Variants in CCDC47 observed in about 807,000 individuals in gnomAD.
The protein encoded by CCDC47 is PAT complex subunit CCDC47.
In CCDC47, 41 loss-of-function variants were observed where a neutral mutation model predicts 60.5. The observed-to-expected ratio is 0.68, with a 90% CI of 0.53 to 0.88. The LOEUF is 0.88. CCDC47 is among the 40% of genes least tolerant of loss of function. CCDC47 has a pLI of 0.00. For missense variants in CCDC47, 513 were observed against 580.9 expected (o/e 0.88, Z 1.20); for synonymous variants, 195 against 190.7 (o/e 1.02, Z -0.18).
At chr17:63,750,810 A>G (rs1041072420) in intron 12 of CCDC47, among the ~76,000 whole-genome samples, 1 of 151,550 alleles carries the variant, frequency 6.6e-6, no homozygotes, top group African/African-American at 2.4e-5. Context: ...GCTGGTCTCG[A>G]ACTCCTGACC....
chr17:63,756,716 A>G, intron 6 of CCDC47, 146 bp from the exon 7 acceptor site: 1 of 621,934 alleles, frequency 1.6e-6, no homozygotes, highest in East Asian at 2.8e-5. Flanking sequence ...ATGGAATATT[A>G]CCCCCATAAT....
chr17:63,766,271 A>G, intron 1 of CCDC47, 77 bp from the exon 2 acceptor site: 2 of 1,328,568 alleles, frequency 1.5e-6, no homozygotes, highest in Non-Finnish European at 2.0e-6. Flanking sequence ...GTAAAAATCT[A>G]TAAACCTCTC....
chr17:63,761,514 T>C (rs1204257245), intron 4 of CCDC47, 163 bp from the exon 5 acceptor site: 3 of 241,456 alleles, frequency 1.2e-5, no homozygotes, highest in African/African-American at 6.6e-5. Flanking sequence ...ACCCTGTCCC[T>C]ACTAAAAAAA....
intron 12 of CCDC47, chr17:63,747,551 G>A (rs1257143384): frequency 1.0e-6 from 1 of 984,102 alleles, no homozygotes; most frequent in Non-Finnish European, 1.2e-6. Context: ...GAGTAAGAAG[G>A]TTCAGGTTAT....
At chr17:63,748,641 G>GATAC (rs1389535455) in intron 12 of CCDC47, among the ~76,000 whole-genome samples, 1 of 152,100 alleles carries the variant, frequency 6.6e-6, no homozygotes, top group Non-Finnish European at 1.5e-5. Context: ...TAAAACTAAT[G>GATAC]ATACACAGAA....
At position 63,756,461 on chromosome 17, in the gene CCDC47, T is replaced by C; in HGVS notation, c.837+8A>G. The C allele has an allele frequency of 1.2e-6, 2 of 1,611,312 alleles. No homozygotes were observed. The highest frequency in any genetic ancestry group is 1.7e-6 in the Non-Finnish European group (2 of 1,177,384). ...TACGTATATTTGAGTTGGAGCAACC[T>C]GACATACCAAATCCTGCATCTCTTT... On this transcript the variant is annotated splice_region_variant and intron_variant, in intron 7 of 12. Transcript: ENST00000225726.
At chr17:63,754,383 CAG>C in intron 9 of CCDC47, 48 bp downstream of exon 9, 1 of 1,163,282 alleles carries the variant, frequency 8.6e-7, no homozygotes, top group Non-Finnish European at 1.3e-6. Context: ...TGTTTCAACA[CAG>C]AAAGCTAGTG....
chr17:63,765,771 A>G, intron 2 of CCDC47, 141 bp downstream of exon 2: 1 of 1,359,600 alleles, frequency 7.4e-7, no homozygotes, highest in Admixed American at 2.5e-5. Flanking sequence ...CTTACCACAG[A>G]ACATTTAGAA....
At chr17:63,747,343 T>C (rs1413162316) in intron 12 of CCDC47, 1 of 983,832 alleles carries the variant, frequency 1.0e-6, no homozygotes, top group East Asian at 1.1e-4. Context: ...AGAAGATACA[T>C]TCTACTTCAG....
At chr17:63,773,259 CT>C (rs1384456224) in intron 1 of CCDC47, among the ~76,000 whole-genome samples, 152 bp downstream of exon 1, 1 of 152,250 alleles carries the variant, frequency 6.6e-6, no homozygotes, top group African/African-American at 2.4e-5. Flanking sequence ...TAACTCTGCC[CT>C]TTTGGCTATC....
chr17:63,755,195 G>T, intron 8 of CCDC47: 1 of 570,248 alleles, frequency 1.8e-6, no homozygotes, highest in Non-Finnish European at 2.2e-6. Flanking sequence ...CTGAATCCCT[G>T]GACTCAAGTG....
chr17:63,755,615 A>T (rs2039199896), intron 8 of CCDC47, among the ~76,000 whole-genome samples: 1 of 152,196 alleles, frequency 6.6e-6, no homozygotes, highest in Non-Finnish European at 1.5e-5. Context: ...GATCCTTTAT[A>T]AACATGTCAC....
intron 1 of CCDC47, among the ~76,000 whole-genome samples, chr17:63,768,505 T>C (rs1264991162): frequency 3.9e-5 from 6 of 152,054 alleles, no homozygotes; most frequent in African/African-American, 1.5e-4. Context: ...CTTGGCAACA[T>C]GGCGAAAACC....
chr17:63,749,017 A>G (rs971515910), intron 12 of CCDC47, among the ~76,000 whole-genome samples: 104 of 138,286 alleles, frequency 7.5e-4, no homozygotes, highest in African/African-American at 2.9e-3. Flanking sequence ...GTCTCAAAGA[A>G]AAAAAAAAAA....
chr17:63,761,390 G>A (rs2039259002), intron 4 of CCDC47, 39 bp from the exon 5 acceptor site: 2 of 1,611,336 alleles, frequency 1.2e-6, no homozygotes, highest in Non-Finnish European at 1.7e-6. Flanking sequence ...AACAGAAAAT[G>A]TCAAGGCCGG....
intron 1 of CCDC47, among the ~76,000 whole-genome samples, chr17:63,768,440 C>G (rs2039312231): frequency 6.6e-6 from 1 of 151,778 alleles, no homozygotes; most frequent in Non-Finnish European, 1.5e-5. Context: ...GTAATCCCAG[C>G]ACTGTGGGAG....
At chr17:63,760,137 A>G (rs762156773) in intron 6 of CCDC47, among the ~76,000 whole-genome samples, 2 of 152,112 alleles carry the variant, frequency 1.3e-5, no homozygotes, top group Non-Finnish European at 2.9e-5. Flanking sequence ...TTGCAGATAA[A>G]CATATTGATT....
chr17:63,756,292 A>C lies in CCDC47; in HGVS notation c.896T>G (p.Leu299Trp). ...TTCTCCCATCTCTGACAGGATGGCC[A>C]AAGAGTCCGGCAGTCCATACTTTGC... is the stretch of plus-strand genomic sequence containing the variant. ...SGAKYGLPDS[L>W]AILSEMGEVT... Residue 299 changes from leucine to tryptophan, a missense_variant, in exon 8 of 13, where the codon TTG (leucine) becomes TGG (tryptophan). Leu to Trp is a moderately conservative substitution (Grantham distance 61). Coordinates refer to ENST00000225726, the MANE Select transcript of CCDC47 (RefSeq NM_020198.3). The C allele has an allele frequency of 6.2e-7, 1 of 1,614,186 alleles. No homozygotes were observed. Among genetic ancestry groups the C allele is most frequent in the Non-Finnish European group, 8.5e-7 (1 of 1,180,004 alleles).
At chr17:63,752,216 C>T in intron 11 of CCDC47, 104 bp downstream of exon 11, 1 of 1,450,812 alleles carries the variant, frequency 6.9e-7, no homozygotes, top group Non-Finnish European at 9.6e-7. Flanking sequence ...ACTTCTAAAT[C>T]AACTAGCAAA....
Sources: gnomAD v4.1 joint callset for allele counts (sites outside exome capture counted in the v4.1 genomes callset) on GRCh38, gnomAD v4.1.1 for gene constraint, MANE v1.5 for transcripts, NCBI Gene and HGNC (gene_info 2026-07-23, HGNC 2026-07-21) for gene names.